The following ATP2B2 variants were observed in gnomAD, a reference collection of about 807,000 sequenced individuals.
The protein encoded by ATP2B2 is plasma membrane calcium-transporting ATPase 2.
ATP2B2 carries 15 observed loss-of-function variants against 120.0 expected under a neutral mutation model. The ratio of observed to expected loss-of-function variants is 0.12; its 90% CI spans 0.08 to 0.19. The LOEUF is 0.19. ATP2B2 is among the 10% of genes least tolerant of loss of function. ATP2B2 has a pLI of 1.00. For missense variants in ATP2B2, 1,045 were observed against 1,719.8 expected (o/e 0.61, Z 6.94); for synonymous variants, 694 against 700.3 (o/e 0.99, Z 0.14).
chr3:10,561,443 G>A (rs1431254720), intron 2 of ATP2B2, among the ~76,000 whole-genome samples: 1 of 152,210 alleles, frequency 6.6e-6, no homozygotes, highest in African/African-American at 2.4e-5. Context: ...TGGCACAGGG[G>A]AGTGGATCAG....
chr3:10,691,966 A>G (rs1408518060), intron 1 of ATP2B2, among the ~76,000 whole-genome samples: 1 of 152,252 alleles, frequency 6.6e-6, no homozygotes, highest in Non-Finnish European at 1.5e-5. Context: ...TTTACAACTG[A>G]GAAAACTAAA....
At chr3:10,368,926 C>G (rs1012624717) in intron 12 of ATP2B2, among the ~76,000 whole-genome samples, 3 of 152,236 alleles carry the variant, frequency 2.0e-5, no homozygotes, top group Non-Finnish European at 4.4e-5. Context: ...ATCCACCCAG[C>G]ACTTCCCAAA....
intron 1 of ATP2B2, among the ~76,000 whole-genome samples, chr3:10,670,770 T>C (rs2071075698): frequency 1.3e-5 from 2 of 152,212 alleles, no homozygotes; most frequent in Non-Finnish European, 2.9e-5. Context: ...GAAGAAGGCC[T>C]GGACTTTCTA....
intron 3 of ATP2B2, among the ~76,000 whole-genome samples, chr3:10,522,310 G>A (rs2067000380): frequency 6.6e-6 from 1 of 152,088 alleles, no homozygotes; most frequent in African/African-American, 2.4e-5. Context: ...ATAACCCCCT[G>A]TGTGAGGCTC....
At chr3:10,612,278 A>G (rs7650900) in intron 2 of ATP2B2, among the ~76,000 whole-genome samples, 2,158 of 152,250 alleles carry the variant, frequency 0.014, 48 homozygotes, top group African/African-American at 0.049. Flanking sequence ...GTCCTCTTCA[A>G]TTAGCTTTTG....
In ATP2B2 at chr3:10,636,806, G is replaced by C. The variant is rs2070034921; in HGVS notation, c.-459-16845C>G. Among the ~76,000 whole-genome samples, 2 of 152,154 alleles carry C rather than the reference G, an allele frequency of 1.3e-5. 1 individual carries two copies. Among genetic ancestry groups the C allele is most frequent in the South Asian group, 4.2e-4 (2 of 4,814 alleles). On this transcript the variant is annotated intron_variant, in intron 1 of 21. Coordinates refer to the ATP2B2 transcript ENST00000646379. Reference sequence around the variant, plus strand: ...TTGAGGAGATGGAGCTAAGAGTCCAGGACAGAGCATCAGAGGGGAAAGAGC... The same window carrying C: ...TTGAGGAGATGGAGCTAAGAGTCCACGACAGAGCATCAGAGGGGAAAGAGC...
chr3:10,371,004 C>CTATTAGCAACAACAACATCATCAGTGG (rs1407476473), intron 12 of ATP2B2, among the ~76,000 whole-genome samples: 1 of 152,186 alleles, frequency 6.6e-6, no homozygotes, highest in African/African-American at 2.4e-5. Context: ...AATATTACTA[C>CTATTAGCAACAACAACATCATCAGTGG]TATTAGCAAC....
At chr3:10,687,510 G>T (rs2071551848) in intron 1 of ATP2B2, among the ~76,000 whole-genome samples, 1 of 152,106 alleles carries the variant, frequency 6.6e-6, no homozygotes, top group African/African-American at 2.4e-5. Flanking sequence ...GCTCTAAGCA[G>T]ACTTTCAAAT....
At chr3:10,468,740 A>G (rs2125269699) in intron 1 of ATP2B2, among the ~76,000 whole-genome samples, 1 of 152,328 alleles carries the variant, frequency 6.6e-6, no homozygotes, top group East Asian at 1.9e-4. Flanking sequence ...TGAAGGAGTG[A>G]AATGAAAGGC....
intron 1 of ATP2B2, among the ~76,000 whole-genome samples, chr3:10,491,268 C>G (rs962848502): frequency 3.3e-5 from 5 of 151,110 alleles, no homozygotes; most frequent in African/African-American, 1.2e-4. Context: ...TCTTGTCACC[C>G]AGGCTGGAGT....
intron 2 of ATP2B2, among the ~76,000 whole-genome samples, chr3:10,415,300 G>A (rs1438178233): frequency 3.3e-5 from 5 of 152,150 alleles, no homozygotes; most frequent in African/African-American, 1.2e-4. Flanking sequence ...CATTATTACC[G>A]CCCAGTTTTT....
intron 1 of ATP2B2, among the ~76,000 whole-genome samples, chr3:10,494,321 T>C (rs11719906): frequency 0.37 from 55,553 of 152,022 alleles, 10,522 homozygotes; most frequent in Non-Finnish European, 0.41. Flanking sequence ...ATGTAACTCA[T>C]TTAATCTGCA....
chr3:10,343,885 G>T lies in ATP2B2; in HGVS notation c.2704-920C>A, dbSNP rs542770465. On this transcript the variant is annotated intron_variant, in intron 18 of 22. Coordinates refer to ENST00000360273, the MANE Select transcript of ATP2B2 (RefSeq NM_001001331.4). The surrounding 1 kb of genome is among the most constrained non-coding windows in gnomAD (Gnocchi z 4.2). ...TCAGCCCCATTCTCCTCCTCGTCCT[G>T]TGGCTTTAGTTACATCCGTCTAGTG... is the stretch of plus-strand genomic sequence containing the variant. 1.3e-5 allele frequency among the ~76,000 whole-genome samples: 2 copies of T among 152,078 alleles called. No homozygotes were observed. The highest frequency in any genetic ancestry group is 3.9e-4 in the East Asian group (2 of 5,170).
chr3:10,375,312 A>AG lies in ATP2B2; in HGVS notation c.1416+117dup. ...GCATACATTCTTCTTCCAAGCTCCT[A>AG]GGGGGTCTATGGGGCTTCTTCGTTC... is the stretch of plus-strand genomic sequence containing the variant. On this transcript the variant is annotated intron_variant, in intron 11 of 22. Transcript: ENST00000360273. The surrounding 1 kb of genome is among the most constrained non-coding windows in gnomAD (Gnocchi z 4.2). The AG allele has an allele frequency of 3.5e-6, 3 of 848,912 alleles. No individual in the cohort carries two copies. Among genetic ancestry groups the AG allele is most frequent in the Non-Finnish European group, 3.9e-6 (2 of 517,910 alleles). The allele number at this position is 848,912 out of a possible 1,614,324, so 52.6% of individuals were successfully genotyped here.
chr3:10,501,128 C>G (rs894270190), intron 1 of ATP2B2, among the ~76,000 whole-genome samples: 12 of 152,142 alleles, frequency 7.9e-5, no homozygotes, highest in Admixed American at 7.2e-4. Context: ...CTGCTCGGGC[C>G]TGGTCACTTG....
At chr3:10,552,532 A>T (rs1193994559) in intron 2 of ATP2B2, among the ~76,000 whole-genome samples, 1 of 152,234 alleles carries the variant, frequency 6.6e-6, no homozygotes, top group Non-Finnish European at 1.5e-5. Context: ...CAGAAAGGCA[A>T]TCCAGAACCT....
chr3:10,567,332 C>CT (rs1385549730), intron 2 of ATP2B2, among the ~76,000 whole-genome samples: 1 of 152,234 alleles, frequency 6.6e-6, no homozygotes, highest in African/African-American at 2.4e-5. Flanking sequence ...GCAGGCCTCT[C>CT]TGAGCTTCTG....
chr3:10,430,170 T>G (rs2063272194), intron 2 of ATP2B2, among the ~76,000 whole-genome samples: 1 of 152,254 alleles, frequency 6.6e-6, no homozygotes, highest in Non-Finnish European at 1.5e-5. Context: ...AGGAGATAAG[T>G]GCTGTTTTCA....
At chr3:10,441,848 AT>A (rs755266889) in intron 2 of ATP2B2, among the ~76,000 whole-genome samples, 65 of 152,332 alleles carry the variant, frequency 4.3e-4, no homozygotes, top group Non-Finnish European at 6.2e-4. Context: ...GGGTGTTATT[AT>A]CATATCATTT....
Sources: gnomAD v4.1 joint callset for allele counts (sites outside exome capture counted in the v4.1 genomes callset) on GRCh38, gnomAD v4.1.1 for gene constraint, Gnocchi (gnomAD v3.1) non-coding constraint, MANE v1.5 for transcripts, NCBI Gene and HGNC (gene_info 2026-07-23, HGNC 2026-07-21) for gene names.